The following PTPRD variants were observed in gnomAD, a reference collection of about 807,000 sequenced individuals.
The protein encoded by PTPRD is protein tyrosine phosphatase receptor type D, also known as receptor-type tyrosine-protein phosphatase delta.
A neutral mutation model predicts 214.5 loss-of-function variants in PTPRD; 34 were observed. That is an observed-to-expected ratio of 0.16 (90% confidence interval 0.12 to 0.21). The LOEUF (loss-of-function observed/expected upper bound fraction) is 0.21. Ranked by LOEUF, PTPRD falls within the 10% of genes least tolerant of loss-of-function variation. PTPRD has a pLI of 1.00. For synonymous variants in PTPRD, 1,128 were observed against 845.7 expected (o/e 1.33, Z -5.79); for missense variants, 2,545 against 2,398.7 (o/e 1.06, Z -1.27).
intron 43 of PTPRD, among the ~76,000 whole-genome samples, chr9:8,332,956 G>A (rs11794527): frequency 0.47 from 72,080 of 152,044 alleles, 20,703 homozygotes; most frequent in Non-Finnish European, 0.64. Context: ...CCAAGGTTCT[G>A]GGTAAGTGAA....
chr9:9,146,083 C>T (rs2099868149), intron 10 of PTPRD, among the ~76,000 whole-genome samples: 1 of 152,154 alleles, frequency 6.6e-6, no homozygotes, highest in Non-Finnish European at 1.5e-5. Context: ...TGACATCAGA[C>T]CACAAATGTG....
intron 2 of PTPRD, among the ~76,000 whole-genome samples, chr9:10,346,618 A>G (rs2097088672): frequency 6.6e-6 from 1 of 152,226 alleles, no homozygotes; most frequent in Admixed American, 6.5e-5. Context: ...ATGATGAGGC[A>G]TTATCTTTTT....
intron 2 of PTPRD, among the ~76,000 whole-genome samples, chr9:10,359,740 A>C (rs975439349): frequency 2.0e-5 from 3 of 152,188 alleles, no homozygotes; most frequent in African/African-American, 7.2e-5. Flanking sequence ...TCTATAAGTA[A>C]TTTGCATAAA....
intron 44 of PTPRD, among the ~76,000 whole-genome samples, chr9:8,323,204 G>C (rs976975964): frequency 1.3e-5 from 2 of 152,118 alleles, no homozygotes; most frequent in Non-Finnish European, 1.5e-5. Flanking sequence ...TTCTTTTCAA[G>C]ATAATACTGC....
intron 44 of PTPRD, 44 bp downstream of exon 44, chr9:8,331,538 A>C: frequency 1.7e-6 from 2 of 1,192,542 alleles, no homozygotes; most frequent in South Asian, 4.1e-5. Flanking sequence ...ACAATGAAGA[A>C]ACACCACCAC....
At chr9:10,022,945 T>C (rs1023294938) in intron 4 of PTPRD, among the ~76,000 whole-genome samples, 2 of 152,206 alleles carry the variant, frequency 1.3e-5, no homozygotes, top group Non-Finnish European at 2.9e-5. Context: ...AAACATCTTA[T>C]ACTGGCTTTA....
intron 5 of PTPRD, among the ~76,000 whole-genome samples, chr9:9,772,132 C>A (rs545268203): frequency 6.6e-6 from 1 of 152,062 alleles, no homozygotes; most frequent in African/African-American, 2.4e-5. Context: ...TTAGTTTGAG[C>A]CCTAATCCAA....
Position 9,573,516 on chromosome 9 carries a change from T to C in PTPRD, c.-237+1216A>G, listed in dbSNP as rs573645590. Among the ~76,000 whole-genome samples, 5 of 151,802 alleles carry C rather than the reference T, an allele frequency of 3.3e-5. No homozygotes were observed. The East Asian group carries it at 7.7e-4, about 23-fold the overall frequency. On this transcript the variant is annotated intron_variant, in intron 8 of 45. Transcript: ENST00000381196. ...CTTAAGATATAAGTAATTTTCTCTA[T>C]GTATATAAGATAATTAAAACACTGG...
chr9:10,161,558 G>T (rs571212214), intron 3 of PTPRD, among the ~76,000 whole-genome samples: 1 of 151,628 alleles, frequency 6.6e-6, no homozygotes, highest in South Asian at 2.1e-4. Context: ...AAAATGATTT[G>T]CAAATCTTAA....
chr9:9,914,117 C>G (rs980560913), intron 5 of PTPRD, among the ~76,000 whole-genome samples: 2 of 152,174 alleles, frequency 1.3e-5, no homozygotes, highest in Admixed American at 6.5e-5. Context: ...CACCCTTGAA[C>G]TAGCCAAATG....
chr9:9,115,398 T>C (rs1305244677), intron 10 of PTPRD, among the ~76,000 whole-genome samples: 1 of 152,054 alleles, frequency 6.6e-6, no homozygotes, highest in Non-Finnish European at 1.5e-5. Flanking sequence ...TCACTAATCA[T>C]CAGGAAAATA....
intron 2 of PTPRD, among the ~76,000 whole-genome samples, chr9:10,384,627 T>C (rs919735669): frequency 2.8e-4 from 43 of 151,600 alleles, no homozygotes; most frequent in African/African-American, 1.0e-3. Context: ...TAAAAACGGA[T>C]TTTTTTAAAA....
At chr9:8,501,104 G>T in intron 23 of PTPRD, 45 bp from the exon 24 acceptor site, 3 of 1,436,386 alleles carry the variant, frequency 2.1e-6, no homozygotes, top group East Asian at 2.3e-5. Context: ...TGAAAGGACA[G>T]GAGTGGTTGA....
chr9:8,895,898 CTTG>C (rs2098605889), intron 11 of PTPRD, among the ~76,000 whole-genome samples: 1 of 152,190 alleles, frequency 6.6e-6, no homozygotes, highest in African/African-American at 2.4e-5. Flanking sequence ...CCGAATAGCA[CTTG>C]TTAATTCCGA....
intron 11 of PTPRD, among the ~76,000 whole-genome samples, chr9:8,841,801 C>T (rs1415644188): frequency 6.6e-6 from 1 of 151,942 alleles, no homozygotes; most frequent in Non-Finnish European, 1.5e-5. Context: ...CATTTGAGGT[C>T]AAGAGTTCAA....
intron 14 of PTPRD, among the ~76,000 whole-genome samples, chr9:8,579,362 C>T (rs1189951414): frequency 6.6e-6 from 1 of 152,080 alleles, no homozygotes; most frequent in East Asian, 1.9e-4. Flanking sequence ...AAGTACTATC[C>T]ATGAAGTTTT....
At chr9:10,207,778 A>G (rs1594216808) in intron 3 of PTPRD, among the ~76,000 whole-genome samples, 1 of 152,152 alleles carries the variant, frequency 6.6e-6, no homozygotes, top group Admixed American at 6.5e-5. Flanking sequence ...AAAAGTGAGT[A>G]TAAATGTCAA....
intron 9 of PTPRD, among the ~76,000 whole-genome samples, chr9:9,387,188 GT>G (rs2064149525): frequency 6.6e-6 from 1 of 152,160 alleles, no homozygotes; most frequent in African/African-American, 2.4e-5. Flanking sequence ...AATGTTTTCA[GT>G]GTGTGTTTAT....
chr9:10,575,398 T>C (rs2068899575), intron 2 of PTPRD, among the ~76,000 whole-genome samples: 2 of 152,118 alleles, frequency 1.3e-5, no homozygotes, highest in South Asian at 4.1e-4. Flanking sequence ...TTCTACCTAG[T>C]CATTGCATTT....
Sources: gnomAD v4.1 joint callset for allele counts (sites outside exome capture counted in the v4.1 genomes callset) on GRCh38, gnomAD v4.1.1 for gene constraint, MANE v1.5 for transcripts, NCBI Gene and HGNC (gene_info 2026-07-23, HGNC 2026-07-21) for gene names.